Variants in NLK observed in about 807,000 individuals in gnomAD.
NLK encodes the protein nemo like kinase.
NLK carries 11 observed loss-of-function variants against 59.0 expected under a neutral mutation model. The ratio of observed to expected loss-of-function variants is 0.19; its 90% confidence interval spans 0.12 to 0.31. The LOEUF (loss-of-function observed/expected upper bound fraction) is 0.31. Ranked by LOEUF, NLK falls within the 10% of genes least tolerant of loss-of-function variation. NLK has a pLI of 1.00. For synonymous variants in NLK, 235 were observed against 235.9 expected (o/e 1.00, Z 0.03); for missense variants, 410 against 661.1 (o/e 0.62, Z 4.16).
Position 28,043,226 on chromosome 17 carries a change from C to G in NLK, c.353C>G (p.Ala118Gly). 6.2e-7 allele frequency: 1 copy of G among 1,614,016 alleles called. No individual in the cohort carries two copies. Among genetic ancestry groups the G allele is most frequent in the Non-Finnish European group, 8.5e-7 (1 of 1,179,876 alleles). Residue 118 changes from alanine to glycine, a missense_variant, in exon 1 of 11, where the codon GCT (alanine) becomes GGT (glycine). Physicochemically the swap from Ala to Gly is moderately conservative, Grantham distance 60. Around this residue, in one of 5 missense-constraint regions of NLK, gnomAD observed 160 missense variants for 171.0 expected, o/e 0.94. Coordinates refer to ENST00000407008, the MANE Select transcript of NLK (RefSeq NM_016231.5). The stretch of plus-strand genomic sequence containing the variant: ...CCAGCTCAGGTACAGGCTGCCGCAG[C>G]TGCTACAGTTAAGGCGCACCATCAT... ...AAPAQVQAAA[A>G]ATVKAHHHQH...
chr17:28,203,164 T>TACAC, the NLK span, among the ~76,000 whole-genome samples: 8,602 of 136,966 alleles, frequency 0.063, 309 homozygotes, highest in South Asian at 0.096. Context: ...TATACATACA[T>TACAC]ACACACACAC....
chr17:28,057,348 CT>C (rs1909477852), intron 1 of NLK, among the ~76,000 whole-genome samples: 2 of 152,222 alleles, frequency 1.3e-5, no homozygotes, highest in South Asian at 4.1e-4. Context: ...TTTGTGGTCA[CT>C]GCATCAACTC....
At chr17:28,128,808 C>G (rs764415949) in intron 2 of NLK, among the ~76,000 whole-genome samples, 3 of 152,122 alleles carry the variant, frequency 2.0e-5, no homozygotes, top group Non-Finnish European at 4.4e-5. Context: ...CGTATACACT[C>G]AAGAGAAATG....
At chr17:28,145,658 T>C (rs927784262) in intron 3 of NLK, among the ~76,000 whole-genome samples, 14 of 152,166 alleles carry the variant, frequency 9.2e-5, no homozygotes, top group African/African-American at 2.9e-4. Context: ...ATTGATGATA[T>C]CCTTTTGAGA....
chr17:28,167,534 T>C (rs1908288390), intron 5 of NLK, among the ~76,000 whole-genome samples: 1 of 151,966 alleles, frequency 6.6e-6, no homozygotes, highest in African/African-American at 2.4e-5. Context: ...TGGCCAACAG[T>C]TGGTCTCTAA....
intron 7 of NLK, among the ~76,000 whole-genome samples, chr17:28,174,102 A>G (rs1212027339): frequency 6.6e-6 from 1 of 152,214 alleles, no homozygotes; most frequent in Non-Finnish European, 1.5e-5. Context: ...TACTGCACCA[A>G]AAGTCACTGT....
chr17:28,203,200 C>CACACACACACAG, the NLK span, among the ~76,000 whole-genome samples: 3 of 150,960 alleles, frequency 2.0e-5, no homozygotes, highest in African/African-American at 7.3e-5. Flanking sequence ...CACACACACA[C>CACACACACACAG]AGTCTCAGTC....
At chr17:28,177,439 A>G (rs1361068712) in intron 7 of NLK, among the ~76,000 whole-genome samples, 1 of 152,238 alleles carries the variant, frequency 6.6e-6, no homozygotes, top group African/African-American at 2.4e-5. Context: ...GCTTAAGCGA[A>G]AAAGGGAACT....
chr17:28,116,039 A>G (rs1905754175), intron 1 of NLK, among the ~76,000 whole-genome samples: 1 of 152,176 alleles, frequency 6.6e-6, no homozygotes, highest in African/African-American at 2.4e-5. Context: ...CAAATCCTAG[A>G]TCTCATGTCA....
chr17:28,172,935 A>T (rs1400532487), intron 7 of NLK, among the ~76,000 whole-genome samples: 1 of 152,192 alleles, frequency 6.6e-6, no homozygotes, highest in Non-Finnish European at 1.5e-5. Context: ...GCCATAACCT[A>T]CTACATGTAT....
At chr17:28,132,745 G>A in intron 3 of NLK, 70 bp downstream of exon 3, 1 of 1,261,188 alleles carries the variant, frequency 7.9e-7, no homozygotes, top group South Asian at 1.3e-5. Flanking sequence ...AGCACCTTTT[G>A]GGGTTCATGC....
chr17:28,042,746 T>G lies in NLK; in HGVS notation c.-128T>G. 2 of 842,532 alleles carry G rather than the reference T, an allele frequency of 2.4e-6. No homozygotes were observed. Among genetic ancestry groups the G allele is most frequent in the Non-Finnish European group, 1.8e-6 (1 of 567,224 alleles). 52.2% of individuals were successfully genotyped at this position (842,532 alleles called of 1,614,324 possible). The stretch of plus-strand genomic sequence containing the variant: ...AAACACCAAGATCCTCTAACTTGTT[T>G]GGATTGACTGATGAAGACATAAAGC... On this transcript the variant is annotated 5_prime_UTR_variant, in exon 1 of 11. Transcript: ENST00000407008.
rs1349144809 is a variant in NLK at position 28,174,522 on chromosome 17, T to C, written c.1149+1904T>C. The stretch of plus-strand genomic sequence containing the variant: ...ATTTCCGCTTAATGGCTAGATGCAC[T>C]TTGCAGAGACTTTAAAGTCTTTAAA... On this transcript the variant is annotated intron_variant, in intron 7 of 10. Transcript: ENST00000407008. Among the ~76,000 whole-genome samples, 3 of 152,312 alleles carry C rather than the reference T, an allele frequency of 2.0e-5. No individual in the cohort carries two copies. In the South Asian group the frequency reaches 6.2e-4, roughly 32 times the overall value.
intron 8 of NLK, among the ~76,000 whole-genome samples, chr17:28,190,043 T>G (rs1214249168): frequency 2.0e-5 from 3 of 152,196 alleles, no homozygotes; most frequent in African/African-American, 7.2e-5. Flanking sequence ...AGAACAGTTG[T>G]TTTTGGTTTA....
intron 3 of NLK, among the ~76,000 whole-genome samples, chr17:28,153,928 A>G (rs1907591889): frequency 6.6e-6 from 1 of 152,238 alleles, no homozygotes; most frequent in Non-Finnish European, 1.5e-5. Context: ...AAAATTGAGC[A>G]AAGGACAGGA....
chr17:28,115,186 A>C (rs1446495925), intron 1 of NLK, among the ~76,000 whole-genome samples: 1 of 151,968 alleles, frequency 6.6e-6, no homozygotes, highest in Non-Finnish European at 1.5e-5. Flanking sequence ...TGGGTGTCAC[A>C]GAAACAAGAA....
intron 1 of NLK, among the ~76,000 whole-genome samples, chr17:28,114,291 A>T (rs896483665): frequency 1.3e-5 from 2 of 152,158 alleles, no homozygotes; most frequent in African/African-American, 4.8e-5. Flanking sequence ...CATAGTGTGT[A>T]TATATTTTTG....
chr17:28,123,736 T>C (rs1906170934), intron 2 of NLK, among the ~76,000 whole-genome samples: 1 of 152,182 alleles, frequency 6.6e-6, no homozygotes, highest in Non-Finnish European at 1.5e-5. Context: ...TGTGAAGACT[T>C]ATAGACAAAT....
intron 1 of NLK, among the ~76,000 whole-genome samples, chr17:28,055,032 G>A (rs933089997): frequency 6.6e-6 from 1 of 151,504 alleles, no homozygotes; most frequent in Non-Finnish European, 1.5e-5. Context: ...TGGTCTTCAT[G>A]TATACAGCGG....
Sources: allele counts gnomAD v4.1 joint callset (sites outside exome capture counted in the v4.1 genomes callset), GRCh38; gene constraint gnomAD v4.1.1; regional missense constraint gnomAD v4.1.1; transcripts MANE v1.5; gene names NCBI Gene and HGNC (gene_info 2026-07-23, HGNC 2026-07-21).